Variants in WFS1 observed in about 807,000 individuals in gnomAD.
WFS1 encodes the protein wolframin ER transmembrane glycoprotein, also known as wolframin.
WFS1 carries 90 observed loss-of-function variants against 68.5 expected under a neutral mutation model. The ratio of observed to expected loss-of-function variants is 1.31; its 90% CI spans 1.11 to 1.56. The LOEUF (loss-of-function observed/expected upper bound fraction) is 1.56. WFS1 is among the 40% of genes most tolerant of loss of function. The pLI is 0.00. For missense variants in WFS1, 1,767 were observed against 1,232.6 expected (o/e 1.43, Z -6.49); for synonymous variants, 860 against 540.7 (o/e 1.59, Z -8.19).
intron 4 of WFS1, among the ~76,000 whole-genome samples, 167 bp from the exon 5 acceptor site, chr4:6,291,030 C>CAT (rs1462686870): frequency 2.3e-5 from 1 of 43,858 alleles, no homozygotes; most frequent in African/African-American, 9.9e-5. Flanking sequence ...GGGCGTGGCG[C>CAT]GATGTCCTCT....
intron 7 of WFS1, among the ~76,000 whole-genome samples, chr4:6,297,367 G>C (rs571860895): frequency 6.6e-6 from 1 of 152,254 alleles, no homozygotes; most frequent in East Asian, 1.9e-4. Context: ...AAGTGAAAAT[G>C]ACAGACACCT....
At position 6,302,067 on chromosome 4, in the gene WFS1, A is replaced by G. The variant is rs2109127333; in HGVS notation, c.2272A>G (p.Lys758Glu). Reference protein sequence around the residue: ...STAEEELCRLKLLAKHPCHIK... With the variant: ...STAEEELCRLELLAKHPCHIK... ...GGCCGAGGAGGAGCTCTGTCGCCTT[A>G]AGCTGCTGGCCAAGCACCCCTGCCA... The change falls in exon 8 of 8, where the codon AAG becomes GAG. Residue 758 changes from lysine (K) to glutamate (E), a missense_variant. Lys to Glu is a moderately conservative substitution (Grantham distance 56, BLOSUM62 1). Coordinates refer to ENST00000226760, the MANE Select transcript of WFS1 (RefSeq NM_006005.3). 6.2e-7 allele frequency: 1 copy of G among 1,612,824 alleles called. No homozygotes were observed. Among genetic ancestry groups the G allele is most frequent in the East Asian group, 2.2e-5 (1 of 44,864 alleles).
Position 6,302,525 on chromosome 4 carries a change from G to A in WFS1, c.*57G>A. On this transcript the variant is annotated 3_prime_UTR_variant, in exon 8 of 8. Coordinates refer to ENST00000226760, the MANE Select transcript of WFS1 (RefSeq NM_006005.3). ...TGTTGCCATGAGGCCTTTCCCCAGTGTGGCCCCAGCCCGACAGGCATGCAC... is the reference window on the plus strand; with the variant it reads ...TGTTGCCATGAGGCCTTTCCCCAGTATGGCCCCAGCCCGACAGGCATGCAC... The A allele has an allele frequency of 6.2e-7, 1 of 1,604,560 alleles. No homozygotes were observed. Among genetic ancestry groups the A allele is most frequent in the South Asian group, 1.1e-5 (1 of 90,806 alleles).
At chr4:6,272,592 T>A (rs1729871652) in intron 1 of WFS1, among the ~76,000 whole-genome samples, 1 of 152,254 alleles carries the variant, frequency 6.6e-6, no homozygotes, top group Non-Finnish European at 1.5e-5. Context: ...CCCTTAGAGC[T>A]TGCTCACAGA....
chr4:6,282,140 G>A (rs546736134), intron 2 of WFS1, among the ~76,000 whole-genome samples: 44 of 152,366 alleles, frequency 2.9e-4, no homozygotes, highest in African/African-American at 1.0e-3. Flanking sequence ...AGGGCCTCCA[G>A]CCACTGTCTG....
chr4:6,289,837 A>G (rs1730413371), intron 4 of WFS1, among the ~76,000 whole-genome samples: 2 of 152,178 alleles, frequency 1.3e-5, no homozygotes, highest in South Asian at 4.1e-4. Flanking sequence ...TTTTATGCTT[A>G]TCATAGAAAA....
chr4:6,298,114 T>A (rs1730686392), intron 7 of WFS1, among the ~76,000 whole-genome samples: 1 of 152,210 alleles, frequency 6.6e-6, no homozygotes, highest in African/African-American at 2.4e-5. Context: ...ACCGTGGCGG[T>A]CGTGCGTGAA....
Position 6,291,367 on chromosome 4 carries a change from G to C in WFS1, c.631G>C (p.Asp211His). 6.2e-7 allele frequency: 1 copy of C among 1,612,134 alleles called. No homozygotes were observed. Among genetic ancestry groups the C allele is most frequent in the Non-Finnish European group, 8.5e-7 (1 of 1,179,980 alleles). ...LENVGQVNEH[D>H]GGAQPGPVPK... is the part of the protein sequence containing the mutation. ...GAATGTCGGCCAGGTCAACGAGCAC[G>C]GTGCGAGGATTCACCCTGGGCACCA... is the stretch of plus-strand genomic sequence containing the variant. The change falls in exon 5 of 8, where the codon GAT becomes CAT. Residue 211 changes from aspartate (D) to histidine (H), a missense_variant and splice_region_variant. Asp to His is a moderately conservative substitution (Grantham distance 81). Coordinates refer to ENST00000226760, the MANE Select transcript of WFS1 (RefSeq NM_006005.3).
intron 1 of WFS1, among the ~76,000 whole-genome samples, chr4:6,270,784 G>A (rs1196297489): frequency 6.6e-6 from 1 of 152,198 alleles, no homozygotes; most frequent in African/African-American, 2.4e-5. Flanking sequence ...CAAGGAAGTC[G>A]CATTTGTGCA....
Position 6,289,126 on chromosome 4 carries a change from G to T in WFS1, c.455G>T (p.Arg152Ile). Reference sequence around the variant, plus strand: ...CTGCTTCGCCGGTGCTTGGCGGACAGAAGAGGTGGGTCTGTGTGAGGCTTA... The same window carrying T: ...CTGCTTCGCCGGTGCTTGGCGGACATAAGAGGTGGGTCTGTGTGAGGCTTA... Reference protein sequence around the residue: ...VKLLRRCLADRRGITSENERE... With the variant: ...VKLLRRCLADIRGITSENERE... The change falls in exon 4 of 8, where the codon AGA becomes ATA. Residue 152 changes from arginine (R) to isoleucine (I), a missense_variant. Physicochemically the swap from Arg to Ile is moderately conservative, Grantham distance 97. Transcript: ENST00000226760. 1 of 1,576,804 alleles carries T rather than the reference G, an allele frequency of 6.3e-7. No individual in the cohort carries two copies.
rs28937893 is a variant in WFS1, at chr4:6,301,941, G to C, written c.2146G>C (p.Ala716Pro). The C allele has an allele frequency of 1.9e-6, 3 of 1,612,712 alleles. No homozygotes were observed. The Admixed American group carries it at 5.0e-5, about 27-fold the overall frequency. ...YVRVTDIDNS[A>P]ESAINMLPFF... ...CCGCGTGACTGACATCGACAACAGC[G>C]CCGAGTCTGCCATCAACATGCTCCC... The change falls in exon 8 of 8, where the codon GCC becomes CCC. Residue 716 changes from alanine to proline, a missense_variant. Ala to Pro is a conservative substitution (Grantham distance 27). Transcript: ENST00000226760.
At chr4:6,271,067 A>G (rs902672488) in intron 1 of WFS1, among the ~76,000 whole-genome samples, 1 of 152,192 alleles carries the variant, frequency 6.6e-6, no homozygotes, top group African/African-American at 2.4e-5. Context: ...TCACTCAAGG[A>G]GCTGTGCCCT....
chr4:6,279,420 A>T (rs1730088682), intron 2 of WFS1, among the ~76,000 whole-genome samples: 1 of 152,336 alleles, frequency 6.6e-6, no homozygotes, highest in African/African-American at 2.4e-5. Context: ...AGAGGGCTTA[A>T]GTAGATGACC....
intron 6 of WFS1, among the ~76,000 whole-genome samples, chr4:6,292,398 C>T (rs555004646): frequency 6.6e-6 from 1 of 150,968 alleles, no homozygotes; most frequent in Non-Finnish European, 1.5e-5. Context: ...ACAGCATGAG[C>T]AAAGGCCCAG....
Position 6,300,842 on chromosome 4 carries a change from C to T in WFS1, c.1047C>T (p.Ile349=), listed in dbSNP as rs760462215. The change falls in exon 8 of 8, where the codon ATC becomes ATT. Residue 349 remains isoleucine (I), a synonymous_variant. Transcript: ENST00000226760. ...DFFAFFIPLV[I]FYLSFISMVI... ...TCGCCTTCTTCATCCCGCTGGTCAT[C>T]TTCTACCTGTCCTTCATCTCCATGG... 8.1e-6 allele frequency: 13 copies of T among 1,614,014 alleles called. No homozygotes were observed. The African/African-American group carries it at 1.3e-4, about 17-fold the overall frequency.
At position 6,270,837 on chromosome 4, in the gene WFS1, G is replaced by A. The variant is rs58116832; in HGVS notation, c.-6+823G>A. Reference sequence around the variant, plus strand: ...TTTAACCCTCTCAGTAGCCTTAGGCGGAGAAGTTATAGTCCCCGTTTGACA... The same window carrying A: ...TTTAACCCTCTCAGTAGCCTTAGGCAGAGAAGTTATAGTCCCCGTTTGACA... On this transcript the variant is annotated intron_variant, in intron 1 of 7. Coordinates refer to ENST00000226760, the MANE Select transcript of WFS1 (RefSeq NM_006005.3). 6.6e-4 allele frequency among the ~76,000 whole-genome samples: 101 copies of A among 152,278 alleles called. 1 individual carries two copies. In the East Asian group the frequency reaches 0.017, roughly 26 times the overall value.
intron 2 of WFS1, among the ~76,000 whole-genome samples, chr4:6,280,483 C>T (rs1353235325): frequency 6.6e-6 from 1 of 152,162 alleles, no homozygotes; most frequent in Admixed American, 6.5e-5. Flanking sequence ...GAGTTGACAC[C>T]AAGCCTCACT....
At chr4:6,298,007 C>G (rs1311222592) in intron 7 of WFS1, among the ~76,000 whole-genome samples, 1 of 152,248 alleles carries the variant, frequency 6.6e-6, no homozygotes, top group Non-Finnish European at 1.5e-5. Context: ...AAGGCCCTCT[C>G]AACCAGGTGG....
At chr4:6,291,032 A>AG (rs1208367140) in intron 4 of WFS1, among the ~76,000 whole-genome samples, 165 bp from the exon 5 acceptor site, 1 of 49,360 alleles carries the variant, frequency 2.0e-5, no homozygotes, top group East Asian at 2.2e-3. Flanking sequence ...GCGTGGCGCG[A>AG]TGTCCTCTTG....
Sources: allele counts gnomAD v4.1 joint callset (sites outside exome capture counted in the v4.1 genomes callset), GRCh38; gene constraint gnomAD v4.1.1; transcripts MANE v1.5; gene names NCBI Gene and HGNC (gene_info 2026-07-23, HGNC 2026-07-21).